Variants in RNF126 observed in about 807,000 individuals in gnomAD.
The protein encoded by RNF126 is ring finger protein 126.
In RNF126, 20 loss-of-function variants were observed where a neutral mutation model predicts 41.9. The observed-to-expected ratio is 0.48, with a 90% CI of 0.34 to 0.69. RNF126 has a LOEUF of 0.69. Among genes scored for constraint, RNF126 ranks in the 30% least tolerant of loss-of-function variants. The pLI is 0.01. For synonymous variants in RNF126, 239 were observed against 202.9 expected (o/e 1.18, Z -1.51); for missense variants, 433 against 460.6 (o/e 0.94, Z 0.55).
intron 4 of RNF126, among the ~76,000 whole-genome samples, chr19:651,093 C>T (rs936926953): frequency 2.6e-5 from 4 of 152,140 alleles, no homozygotes; most frequent in Admixed American, 6.5e-5. Flanking sequence ...AAGCATCAAC[C>T]GCCAGGAGTA....
At chr19:655,364 A>G (rs1304093746) in intron 1 of RNF126, among the ~76,000 whole-genome samples, 2 of 151,890 alleles carry the variant, frequency 1.3e-5, no homozygotes, top group East Asian at 3.9e-4. Flanking sequence ...AACGCAACTA[A>G]AAACGGGCAA....
chr19:660,999 C>T (rs1210298934), intron 1 of RNF126, among the ~76,000 whole-genome samples: 1 of 152,260 alleles, frequency 6.6e-6, no homozygotes, highest in African/African-American at 2.4e-5. Context: ...TACCAACGTC[C>T]ATGATTAAAT....
At position 652,340 on chromosome 19, in the gene RNF126, C is replaced by T. The variant is rs544300626; in HGVS notation, c.135-44G>A. On this transcript the variant is annotated intron_variant, in intron 2 of 8. Coordinates refer to ENST00000292363, the MANE Select transcript of RNF126 (RefSeq NM_194460.3). ...TCAGCAGTGCCGGCTACCCTGTGCC[C>T]CCATGCGCCAGGCGCTCCCTCCCCT... 2.0e-4 allele frequency: 303 copies of T among 1,491,974 alleles called. No homozygotes were observed. The East Asian group carries it at 6.9e-3, about 34-fold the overall frequency. 92.4% of individuals were successfully genotyped at this position (1,491,974 alleles called of 1,614,324 possible).
chr19:650,397 TC>T, intron 4 of RNF126, 101 bp from the exon 5 acceptor site: 1 of 963,398 alleles, frequency 1.0e-6, no homozygotes, highest in Non-Finnish European at 1.6e-6. Context: ...AGGGCCAGCA[TC>T]AGCTTCTAGA....
chr19:653,981 G>T (rs530549904), intron 1 of RNF126, among the ~76,000 whole-genome samples: 1 of 152,298 alleles, frequency 6.6e-6, no homozygotes, highest in Non-Finnish European at 1.5e-5. Context: ...GATGCAGGTT[G>T]CACCGGGGCT....
At position 648,364 on chromosome 19, in the gene RNF126, G is replaced by GGGGGGGGGGGGGGGGGGGGGCCCCCCCC; in HGVS notation, c.786+7_786+8insGGGGGGGGCCCCCCCCCCCCCCCCCCCC. On this transcript the variant is annotated splice_region_variant and intron_variant, in intron 8 of 8. Coordinates refer to ENST00000292363, the MANE Select transcript of RNF126 (RefSeq NM_194460.3). ...CGGGGTGGGGGGGCGGGTGGGCGGG[G>GGGGGGGGGGGGGGGGGGGGGCCCCCCCC]CACTCACCTGCTCCAGCCAGGGCAC... 1 of 510,476 alleles carries GGGGGGGGGGGGGGGGGGGGGCCCCCCCC rather than the reference G, an allele frequency of 2.0e-6. No individual in the cohort carries two copies. 31.6% of individuals were successfully genotyped at this position (510,476 alleles called of 1,614,324 possible).
rs771923167 is a variant in RNF126, at chr19:648,131, C to T, written c.933G>A (p.Ser311=). 113 of 1,581,908 alleles carry T rather than the reference C, an allele frequency of 7.1e-5. No individual in the cohort carries two copies. The highest frequency in any genetic ancestry group is 2.2e-4 in the Admixed American group (13 of 58,238). ...TTTCCCGACGGCCGACGTGGGCTCACGAGTTGCTTGTGGCGTTCTCGTTGC... is the reference window on the plus strand; with the variant it reads ...TTTCCCGACGGCCGACGTGGGCTCATGAGTTGCTTGTGGCGTTCTCGTTGC... The part of the protein sequence containing the change: ...SPSNENATSN[S] The change falls in exon 9 of 9, where the codon TCG becomes TCA. Residue 311 remains serine (S), a synonymous_variant. Transcript: ENST00000292363.
intron 1 of RNF126, among the ~76,000 whole-genome samples, chr19:658,080 C>T (rs907406247): frequency 6.6e-6 from 1 of 151,970 alleles, no homozygotes; most frequent in Non-Finnish European, 1.5e-5. Flanking sequence ...ACGGTGAATC[C>T]ATTCACCTCT....
intron 1 of RNF126, chr19:661,283 T>C (rs973354996): frequency 8.5e-5 from 13 of 152,672 alleles, no homozygotes; most frequent in African/African-American, 3.1e-4. Flanking sequence ...CAGCCACCAC[T>C]CCAGGCTTCC....
rs1377642989 is a variant in RNF126 at position 663,149 on chromosome 19, C to A, written c.-28G>T. The A allele has an allele frequency of 8.8e-7, 1 of 1,138,336 alleles. No individual in the cohort carries two copies. The highest frequency in any genetic ancestry group is 3.5e-4 in the Middle Eastern group (1 of 2,870). 70.5% of individuals were successfully genotyped at this position (1,138,336 alleles called of 1,614,324 possible). A position where few individuals can be genotyped will look rare whatever the true frequency, so the allele number is the denominator to read the frequency against. On this transcript the variant is annotated 5_prime_UTR_variant, in exon 1 of 9. Transcript: ENST00000292363. ...CCGCCGCCACCTACTCCGCGCCGCC[C>A]GCCCCCCGCGCGGCACCCGCCGCCG...
intron 1 of RNF126, among the ~76,000 whole-genome samples, chr19:657,905 G>A (rs1451489347): frequency 6.6e-6 from 1 of 152,062 alleles, no homozygotes; most frequent in Non-Finnish European, 1.5e-5. Context: ...CTCCTCCAAG[G>A]GCACAGCCAA....
chr19:648,376 T>G lies in RNF126; in HGVS notation c.782A>C (p.Glu261Ala), dbSNP rs768351957. ...FHDGCIVPWL[E>A]QHDSCPVCRK... ...GCGGGTGGGCGGGGCACTCACCTGC[T>G]CCAGCCAGGGCACGATGCAGCCGTC... The change falls in exon 8 of 9, where the codon GAG becomes GCG. Residue 261 changes from glutamate to alanine, a missense_variant. Transcript: ENST00000292363. 79 of 1,540,046 alleles carry G rather than the reference T, an allele frequency of 5.1e-5. No homozygotes were observed. In the East Asian group the frequency reaches 1.7e-3, roughly 34 times the overall value.
In RNF126 at chr19:648,301, C is replaced by G. The variant is rs201723696; in HGVS notation, c.787-24G>C. The G allele has an allele frequency of 4.6e-6, 6 of 1,297,272 alleles. No individual in the cohort carries two copies. The African/African-American group carries it at 5.5e-5, about 12-fold the overall frequency. The allele number at this position is 1,297,272 out of a possible 1,614,324, so 80.4% of individuals were successfully genotyped here. A position where few individuals can be genotyped will look rare whatever the true frequency, so the allele number is the denominator to read the frequency against. ...TGCTTTGTGGGGACAGAGGCAGGGA[C>G]GGGAGAAGGGGCAGGTTAGAGGCGG... On this transcript the variant is annotated intron_variant, in intron 8 of 8. Transcript: ENST00000292363.
At chr19:649,445 C>T (rs957468870) in intron 6 of RNF126, 42 of 551,422 alleles carry the variant, frequency 7.6e-5, no homozygotes, top group South Asian at 1.1e-4. Flanking sequence ...GTCCTCCCCG[C>T]GGTTTTGCTA....
intron 1 of RNF126, among the ~76,000 whole-genome samples, chr19:662,531 C>A (rs567851796): frequency 6.6e-6 from 1 of 152,206 alleles, no homozygotes; most frequent in East Asian, 1.9e-4. Context: ...CAGGGCTCCA[C>A]GAGGCGAGCC....
chr19:660,926 C>T (rs2030773884), intron 1 of RNF126, among the ~76,000 whole-genome samples: 3 of 152,246 alleles, frequency 2.0e-5, no homozygotes, highest in Admixed American at 1.3e-4. Flanking sequence ...TTGGGATCAC[C>T]CGCGGGGTGG....
chr19:656,981 A>AGCTCAGG (rs1165792719), intron 1 of RNF126, among the ~76,000 whole-genome samples: 2 of 152,124 alleles, frequency 1.3e-5, no homozygotes, highest in Non-Finnish European at 2.9e-5. Context: ...ATGGAGGGGT[A>AGCTCAGG]GCTCAGGGCT....
At chr19:656,051 G>A (rs1284454828) in intron 1 of RNF126, among the ~76,000 whole-genome samples, 4 of 152,248 alleles carry the variant, frequency 2.6e-5, no homozygotes, top group East Asian at 3.9e-4. Context: ...GGGACGGGGA[G>A]TGACGGCTGG....
intron 1 of RNF126, among the ~76,000 whole-genome samples, chr19:654,266 T>C (rs556772386): frequency 3.9e-5 from 6 of 152,200 alleles, no homozygotes; most frequent in African/African-American, 1.4e-4. Context: ...CCATCTACAA[T>C]ATAGAAAAAG....
Sources: allele counts gnomAD v4.1 joint callset (sites outside exome capture counted in the v4.1 genomes callset), GRCh38; gene constraint gnomAD v4.1.1; transcripts MANE v1.5; gene names NCBI Gene and HGNC (gene_info 2026-07-23, HGNC 2026-07-21).